The following SASH1 variants were observed in gnomAD, a reference collection of about 807,000 sequenced individuals.
SASH1 encodes SAM and SH3 domain containing 1, also known as SAM and SH3 domain-containing protein 1.
SASH1 carries 44 observed loss-of-function variants against 125.2 expected under a neutral mutation model. The ratio of observed to expected loss-of-function variants is 0.35; its 90% CI spans 0.28 to 0.45. SASH1 has a LOEUF of 0.45. Among genes scored for constraint, SASH1 ranks in the 20% least tolerant of loss-of-function variants. The pLI is 1.00. For missense variants in SASH1, 1,426 were observed against 1,614.5 expected, an observed-to-expected ratio of 0.88 and a Z score of 2.00; for synonymous variants, 639 against 649.1, an observed-to-expected ratio of 0.98 and a Z score of 0.24.
chr6:148,435,930 A>G (rs554518187), intron 2 of SASH1, among the ~76,000 whole-genome samples: 120 of 152,214 alleles, frequency 7.9e-4, no homozygotes, highest in Non-Finnish European at 1.6e-3. Flanking sequence ...CAGGCTGACT[A>G]TTGCCAAGAT....
the SASH1 span, among the ~76,000 whole-genome samples, chr6:148,202,951 C>CA: frequency 0.063 from 8,708 of 137,216 alleles, 270 homozygotes; most frequent in Non-Finnish European, 0.068. Context: ...AAGGCTGTGT[C>CA]AAAAAAAAAA....
intron 1 of SASH1, among the ~76,000 whole-genome samples, chr6:148,385,474 A>T (rs77494780): frequency 6.6e-6 from 1 of 152,192 alleles, no homozygotes; most frequent in Non-Finnish European, 1.5e-5. Context: ...TGGAACCTCC[A>T]AAGTGATAAG....
intron 8 of SASH1, among the ~76,000 whole-genome samples, chr6:148,494,940 A>T (rs987444748): frequency 6.6e-6 from 1 of 152,152 alleles, no homozygotes; most frequent in Non-Finnish European, 1.5e-5. Flanking sequence ...TCTTTTTGGG[A>T]CTTTCTAAAA....
At chr6:148,383,244 G>C (rs1490854718) in intron 1 of SASH1, among the ~76,000 whole-genome samples, 3 of 152,066 alleles carry the variant, frequency 2.0e-5, no homozygotes, top group Non-Finnish European at 4.4e-5. Flanking sequence ...AGCTAATTAA[G>C]GGTGAAAACA....
rs117545829 is a variant in SASH1, at chr6:148,325,634, G to A, written n.74+53257G>A. Among the ~76,000 whole-genome samples, 215 of 152,100 alleles carry A rather than the reference G, an allele frequency of 1.4e-3. 2 individuals carry two copies. The East Asian group carries it at 0.03, about 21-fold the overall frequency. On this transcript the variant is annotated intron_variant and non_coding_transcript_variant, in intron 1 of 3. Transcript: ENST00000367469. The stretch of plus-strand genomic sequence containing the variant: ...GAACTCACCATCACGAGAATAGCAC[G>A]GAGGTAACCACCCCCATGATTCAAT...
At chr6:148,454,692 C>T (rs773562822) in intron 4 of SASH1, among the ~76,000 whole-genome samples, 10 of 152,138 alleles carry the variant, frequency 6.6e-5, no homozygotes, top group Non-Finnish European at 1.3e-4. Context: ...TTAGACGGGC[C>T]ACTGTCAGCG....
At position 148,548,484 on chromosome 6, in the gene SASH1, G is replaced by A. The variant is rs1328222361; in HGVS notation, c.3670G>A (p.Glu1224Lys). Residue 1224 changes from glutamate (E) to lysine (K), a missense_variant, in exon 20 of 20, where the codon GAG (glutamate) becomes AAG (lysine). Physicochemically the swap from Glu to Lys is moderately conservative, Grantham distance 56. Transcript: ENST00000367467. ...TTGCCTTCAGGAGGCCGGCATCACA[G>A]AGGAGAGACACATAAGAAAGCTCCT... ...HTCLQEAGITEERHIRKLLSA... is the reference protein window; with the variant it reads ...HTCLQEAGITKERHIRKLLSA... 6.2e-7 allele frequency: 1 copy of A among 1,614,214 alleles called. No individual in the cohort carries two copies. The highest frequency in any genetic ancestry group is 8.5e-7 in the Non-Finnish European group (1 of 1,180,032).
At chr6:148,197,944 T>C in the SASH1 span, among the ~76,000 whole-genome samples, 1 of 152,048 alleles carries the variant, frequency 6.6e-6, no homozygotes, top group Non-Finnish European at 1.5e-5. Flanking sequence ...CCGCCTCCCA[T>C]GTTCTAGTGA....
intron 1 of SASH1, among the ~76,000 whole-genome samples, chr6:148,371,851 T>C (rs1198831239): frequency 6.6e-6 from 1 of 152,172 alleles, no homozygotes; most frequent in African/African-American, 2.4e-5. Context: ...AGAATCTTTG[T>C]TTCCTGTATT....
intron 1 of SASH1, among the ~76,000 whole-genome samples, chr6:148,352,015 A>T (rs1387553362): frequency 6.6e-6 from 1 of 152,204 alleles, no homozygotes; most frequent in African/African-American, 2.4e-5. Flanking sequence ...TTTTAAAAAA[A>T]AAGTTTTGAA....
At chr6:148,326,536 C>T (rs959950648) in intron 1 of SASH1, among the ~76,000 whole-genome samples, 1 of 148,632 alleles carries the variant, frequency 6.7e-6, no homozygotes, top group South Asian at 2.1e-4. Flanking sequence ...TTCTGAGTAG[C>T]TGGGATTACA....
chr6:148,503,760 T>TAAA (rs11385703), intron 8 of SASH1, among the ~76,000 whole-genome samples: 1 of 145,422 alleles, frequency 6.9e-6, no homozygotes, highest in African/African-American at 2.5e-5. Flanking sequence ...CCCTTTCTTG[T>TAAA]AAAAAAAAAA....
chr6:148,504,441 T>C (rs1255139780), intron 8 of SASH1, among the ~76,000 whole-genome samples: 2 of 152,182 alleles, frequency 1.3e-5, no homozygotes, highest in African/African-American at 4.8e-5. Flanking sequence ...TTCCTCACCA[T>C]AGGAGTCAAA....
chr6:148,493,667 G>A (rs1228537955), intron 8 of SASH1, among the ~76,000 whole-genome samples: 5 of 152,120 alleles, frequency 3.3e-5, no homozygotes, highest in Admixed American at 2.6e-4. Flanking sequence ...TTAGATAATC[G>A]CGTGTTGCCT....
At chr6:148,416,684 T>C (rs1365106175) in intron 2 of SASH1, among the ~76,000 whole-genome samples, 18 of 152,172 alleles carry the variant, frequency 1.2e-4, no homozygotes, top group Admixed American at 1.2e-3. Flanking sequence ...GTGTTGCCTC[T>C]AGAGAGAATG....
intron 1 of SASH1, among the ~76,000 whole-genome samples, chr6:148,381,656 T>C (rs1030800855): frequency 7.9e-6 from 1 of 126,286 alleles, no homozygotes; most frequent in African/African-American, 3.0e-5. Flanking sequence ...GACAGAGTCT[T>C]GCTTTGCTGC....
intron 2 of SASH1, among the ~76,000 whole-genome samples, chr6:148,435,333 C>T (rs1481990217): frequency 2.1e-5 from 3 of 143,504 alleles, no homozygotes; most frequent in Admixed American, 1.5e-4. Flanking sequence ...AGCCGAAGAT[C>T]GTGCCATTGC....
Position 148,534,743 on chromosome 6 carries a change from T to C in SASH1, c.1945-8T>C. 1.9e-6 allele frequency: 3 copies of C among 1,614,106 alleles called. No homozygotes were observed. The highest frequency in any genetic ancestry group is 1.1e-5 in the South Asian group (1 of 91,082). On this transcript the variant is annotated splice_region_variant and splice_polypyrimidine_tract_variant and intron_variant, in intron 15 of 19. Coordinates refer to ENST00000367467, the MANE Select transcript of SASH1 (RefSeq NM_015278.5). ...GACACCCTTCTGTCTTCCTTCTCCC[T>C]CTCACAGGAGCACATGCCCACTTTC...
At position 148,421,223 on chromosome 6, in the gene SASH1, GAA is replaced by G. The variant is rs1282203569; in HGVS notation, c.286-18959_286-18958del. ...AAAGAAAGAAAGAAAGAAAAAGAAA[GAA>G]AGAAGGAAGTGACTATGAACATCTT... On this transcript the variant is annotated intron_variant, in intron 2 of 19. Transcript: ENST00000367467. Among the ~76,000 whole-genome samples, 4 of 150,598 alleles carry G rather than the reference GAA, an allele frequency of 2.7e-5. No individual in the cohort carries two copies. The East Asian group carries it at 7.8e-4, about 29-fold the overall frequency.
Sources: allele counts gnomAD v4.1 joint callset (sites outside exome capture counted in the v4.1 genomes callset), GRCh38; gene constraint gnomAD v4.1.1; transcripts MANE v1.5; gene names NCBI Gene and HGNC (gene_info 2026-07-23, HGNC 2026-07-21).